Variants in HORMAD1 observed in about 807,000 individuals in gnomAD.
The protein encoded by HORMAD1 is HORMA domain containing 1.
Under a neutral mutation model 58.2 loss-of-function variants are expected in HORMAD1, and 33 were observed. The observed-to-expected ratio is 0.57, with a 90% CI of 0.43 to 0.76. The LOEUF is 0.76. Among genes scored for constraint, HORMAD1 ranks in the 30% least tolerant of loss-of-function variants. The pLI is 0.00. For missense variants in HORMAD1, 363 were observed against 462.0 expected, an observed-to-expected ratio of 0.79 and a Z score of 1.96; for synonymous variants, 137 against 144.6, an observed-to-expected ratio of 0.95 and a Z score of 0.38.
chr1:150,704,342 T>A lies in HORMAD1; in HGVS notation c.806A>T (p.Asp269Val). 1 of 1,556,972 alleles carries A rather than the reference T, an allele frequency of 6.4e-7. No homozygotes were observed. Among genetic ancestry groups the A allele is most frequent in the Non-Finnish European group, 8.7e-7 (1 of 1,149,908 alleles). The stretch of plus-strand genomic sequence containing the variant: ...CATTTTAGTTTCAATGTCCAAATCA[T>A]CCTACATAATTATGTGAAGAAAAAA... ...VEDEQEHYTSDDLDIETKMEE... is the reference protein window; with the variant it reads ...VEDEQEHYTSVDLDIETKMEE... The change falls in exon 11 of 15, where the codon GAT becomes GTT. Residue 269 changes from aspartate (D) to valine (V), a missense_variant and splice_region_variant. Physicochemically the swap from Asp to Val is radical, Grantham distance 152. This residue lies in a region of HORMAD1 where 226 missense variants were observed against 257.8 expected (regional missense o/e 0.88). Coordinates refer to ENST00000361824, the MANE Select transcript of HORMAD1 (RefSeq NM_032132.5).
chr1:150,713,360 T>C (rs1369580975), intron 5 of HORMAD1, among the ~76,000 whole-genome samples: 2 of 152,120 alleles, frequency 1.3e-5, no homozygotes, highest in African/African-American at 2.4e-5. Flanking sequence ...GCCTAACACA[T>C]AACGGGCGCT....
At chr1:150,709,379 T>C (rs587607757) in intron 7 of HORMAD1, among the ~76,000 whole-genome samples, 82 of 152,352 alleles carry the variant, frequency 5.4e-4, no homozygotes, top group African/African-American at 1.9e-3. Context: ...ACATATGTTG[T>C]ATGAAATCAA....
At chr1:150,704,708 C>T (rs1651638272) in intron 10 of HORMAD1, among the ~76,000 whole-genome samples, 1 of 152,044 alleles carries the variant, frequency 6.6e-6, no homozygotes, top group Non-Finnish European at 1.5e-5. Flanking sequence ...TGCGCTCCAG[C>T]CTGGGAGACA....
At chr1:150,699,338 G>C (rs74124973) in intron 14 of HORMAD1, among the ~76,000 whole-genome samples, 1,527 of 152,144 alleles carry the variant, frequency 0.01, 20 homozygotes, top group African/African-American at 0.035. Flanking sequence ...AGAGGTACTA[G>C]GAGGAGACCC....
intron 12 of HORMAD1, 74 bp from the exon 13 acceptor site, chr1:150,703,467 C>T (rs1398800556): frequency 2.6e-5 from 21 of 793,070 alleles, no homozygotes; most frequent in Non-Finnish European, 4.2e-5. Flanking sequence ...AAATGGGGTC[C>T]AAAAATTTAA....
At chr1:150,698,853 C>T (rs1651449419) in intron 14 of HORMAD1, 119 bp from the exon 15 acceptor site, 7 of 574,180 alleles carry the variant, frequency 1.2e-5, no homozygotes, top group African/African-American at 1.9e-5. Flanking sequence ...GCCTAGCATA[C>T]CTAGCATAAC....
intron 3 of HORMAD1, among the ~76,000 whole-genome samples, chr1:150,716,287 A>G (rs1156853977): frequency 6.8e-6 from 1 of 147,316 alleles, no homozygotes; most frequent in Non-Finnish European, 1.5e-5. Context: ...TCAGCCTCCC[A>G]AGTAGCTGGG....
chr1:150,719,349 G>T, intron 2 of HORMAD1, 124 bp downstream of exon 2: 1 of 645,874 alleles, frequency 1.5e-6, no homozygotes. Context: ...CTTAAAACAT[G>T]CAGTTTCCTG....
Position 150,717,015 on chromosome 1 carries a change from C to A in HORMAD1, c.178+123G>T, listed in dbSNP as rs1460120685. 1.4e-5 allele frequency: 7 copies of A among 498,018 alleles called. No homozygotes were observed. The East Asian group carries it at 1.8e-4, about 13-fold the overall frequency. 30.8% of individuals were successfully genotyped at this position (498,018 alleles called of 1,614,324 possible). A position where few individuals can be genotyped will look rare whatever the true frequency, so the allele number is the denominator to read the frequency against. On this transcript the variant is annotated intron_variant, in intron 3 of 14. Coordinates refer to ENST00000361824, the MANE Select transcript of HORMAD1 (RefSeq NM_032132.5). ...CTTTAAACAAGTGAACTGTCAGGTA[C>A]GTGAATTGTATTAATAAAGCTTCTA...
At chr1:150,703,646 C>A (rs1042789903) in intron 12 of HORMAD1, among the ~76,000 whole-genome samples, 2 of 152,138 alleles carry the variant, frequency 1.3e-5, no homozygotes, top group Non-Finnish European at 2.9e-5. Context: ...TTCCAGAAGA[C>A]AAGAAATTTA....
chr1:150,704,662 A>C (rs1306865765), intron 10 of HORMAD1, among the ~76,000 whole-genome samples: 1 of 152,146 alleles, frequency 6.6e-6, no homozygotes, highest in Non-Finnish European at 1.5e-5. Flanking sequence ...GCTTGAGCCC[A>C]GAAGTTTGAG....
intron 8 of HORMAD1, 152 bp downstream of exon 8, chr1:150,708,742 T>G: frequency 3.7e-6 from 2 of 544,170 alleles, no homozygotes; most frequent in Non-Finnish European, 6.5e-6. Context: ...TTGAAGCTAC[T>G]GCAAGCCACC....
intron 13 of HORMAD1, among the ~76,000 whole-genome samples, chr1:150,703,066 A>G (rs1324841818): frequency 6.6e-6 from 1 of 152,104 alleles, no homozygotes; most frequent in South Asian, 2.1e-4. Flanking sequence ...CTTTGTGCCT[A>G]TGTAGCCTAT....
At chr1:150,704,014 T>A in intron 12 of HORMAD1, 104 bp downstream of exon 12, 1 of 720,050 alleles carries the variant, frequency 1.4e-6, no homozygotes, top group Non-Finnish European at 2.2e-6. Context: ...TTGAATTTTA[T>A]TCTAAAAGAC....
At chr1:150,698,785 C>T in intron 14 of HORMAD1, 51 bp from the exon 15 acceptor site, 1 of 1,036,772 alleles carries the variant, frequency 9.6e-7, no homozygotes, top group Non-Finnish European at 1.4e-6. Context: ...GTTTAAATGT[C>T]TTTAATTGTA....
At position 150,698,737 on chromosome 1, in the gene HORMAD1, G is replaced by A. The variant is rs772211566; in HGVS notation, c.1105-3C>T. On this transcript the variant is annotated splice_polypyrimidine_tract_variant and splice_region_variant and intron_variant, in intron 14 of 14. Transcript: ENST00000361824. ...GAAGAATCAAAGTGATGGAGGACCT[G>A]TCAAAAGAAAACAACTACTAAGAAT... 3.0e-5 allele frequency: 47 copies of A among 1,564,370 alleles called. No individual in the cohort carries two copies.
chr1:150,712,445 A>G (rs587767176), intron 5 of HORMAD1, among the ~76,000 whole-genome samples: 4 of 152,288 alleles, frequency 2.6e-5, no homozygotes, highest in African/African-American at 7.2e-5. Context: ...CTAAGCAACC[A>G]TTATTTCTCA....
intron 9 of HORMAD1, among the ~76,000 whole-genome samples, chr1:150,707,194 G>A (rs1337267393): frequency 6.6e-6 from 1 of 152,142 alleles, no homozygotes; most frequent in East Asian, 1.9e-4. Context: ...GTTGCTTTAT[G>A]TTCTTCTAGA....
At chr1:150,707,152 T>C (rs1197140166) in intron 9 of HORMAD1, among the ~76,000 whole-genome samples, 1 of 152,196 alleles carries the variant, frequency 6.6e-6, no homozygotes, top group Non-Finnish European at 1.5e-5. Flanking sequence ...TGGCACATAG[T>C]AAATACTCAA....
Sources: gnomAD v4.1 joint callset for allele counts (sites outside exome capture counted in the v4.1 genomes callset) on GRCh38, gnomAD v4.1.1 for gene constraint, gnomAD v4.1.1 regional missense constraint, MANE v1.5 for transcripts, NCBI Gene and HGNC (gene_info 2026-07-23, HGNC 2026-07-21) for gene names.